MACROD2: variants seen among roughly 807,000 people sequenced by gnomAD.
The protein encoded by MACROD2 is mono-ADP ribosylhydrolase 2.
Under a neutral mutation model 70.4 loss-of-function variants are expected in MACROD2, and 36 were observed. That is an observed-to-expected ratio of 0.51 (90% confidence interval 0.39 to 0.68). The LOEUF is 0.68. Among genes scored for constraint, MACROD2 ranks in the 30% least tolerant of loss-of-function variants. MACROD2 has a pLI of 0.00. For synonymous variants in MACROD2, 172 were observed against 178.8 expected (o/e 0.96, Z 0.30); for missense variants, 496 against 538.4 (o/e 0.92, Z 0.78).
chr20:15,461,006 A>ATATTT, intron 7 of MACROD2, among the ~76,000 whole-genome samples: 47 of 67,010 alleles, frequency 7.0e-4, no homozygotes, highest in South Asian at 2.0e-3. Flanking sequence ...ATATATATAT[A>ATATTT]TTTTTTTTTA....
intron 8 of MACROD2, among the ~76,000 whole-genome samples, chr20:15,502,970 A>G (rs887368790): frequency 3.3e-5 from 5 of 152,206 alleles, no homozygotes; most frequent in African/African-American, 1.2e-4. Context: ...CTACAAAGGA[A>G]TGATGTATAT....
chr20:15,847,828 T>C (rs75600621), intron 8 of MACROD2, among the ~76,000 whole-genome samples: 1 of 152,318 alleles, frequency 6.6e-6, no homozygotes, highest in Middle Eastern at 3.4e-3. Flanking sequence ...TCTTTCTTTT[T>C]ATGTTTTTGT....
At chr20:14,805,105 G>A (rs937503267) in intron 5 of MACROD2, among the ~76,000 whole-genome samples, 4 of 151,948 alleles carry the variant, frequency 2.6e-5, no homozygotes, top group African/African-American at 9.7e-5. Flanking sequence ...AGGGGAGAGA[G>A]TTCATTGCTT....
chr20:14,760,950 C>T (rs187720190), intron 5 of MACROD2, among the ~76,000 whole-genome samples: 4 of 152,190 alleles, frequency 2.6e-5, no homozygotes, highest in Admixed American at 2.6e-4. Flanking sequence ...TTTCTCTGTT[C>T]TTGTTCTCTT....
chr20:14,196,054 T>G (rs2148743444), intron 3 of MACROD2, among the ~76,000 whole-genome samples: 1 of 152,218 alleles, frequency 6.6e-6, no homozygotes, highest in Admixed American at 6.5e-5. Context: ...TAGACACTGC[T>G]GGGGGTCGGA....
At chr20:15,746,972 A>G (rs1185082451) in intron 8 of MACROD2, among the ~76,000 whole-genome samples, 4 of 152,202 alleles carry the variant, frequency 2.6e-5, no homozygotes, top group African/African-American at 9.6e-5. Context: ...GAATGGCACC[A>G]TCCATGGTCA....
chr20:15,158,095 A>G (rs1235521193), intron 5 of MACROD2, among the ~76,000 whole-genome samples: 1 of 152,110 alleles, frequency 6.6e-6, no homozygotes, highest in Non-Finnish European at 1.5e-5. Context: ...GAGGTGTTTT[A>G]TCACTTTATT....
intron 5 of MACROD2, among the ~76,000 whole-genome samples, chr20:15,005,224 T>C (rs760635014): frequency 6.7e-4 from 102 of 152,290 alleles, no homozygotes; most frequent in Non-Finnish European, 1.1e-3. Flanking sequence ...ATTGACAGAA[T>C]AGAAGAGACT....
chr20:15,310,463 C>T (rs2077740153), intron 6 of MACROD2, among the ~76,000 whole-genome samples: 1 of 152,010 alleles, frequency 6.6e-6, no homozygotes, highest in Non-Finnish European at 1.5e-5. Flanking sequence ...TGAGAGCTGC[C>T]AATCATGGCT....
chr20:15,480,563 T>TCCCTGTCCTG lies in MACROD2; in HGVS notation c.572-19204_572-19195dup, dbSNP rs561614280. ...GCCCCCCTTCTCCACTGCCTTCTCT[T>TCCCTGTCCTG]CCCTGTCCTGCCCTGTGGATGGCTG... On this transcript the variant is annotated intron_variant, in intron 7 of 17. Coordinates refer to ENST00000684519, the MANE Select transcript of MACROD2 (RefSeq NM_001351661.2). Among the ~76,000 whole-genome samples, 886 of 152,258 alleles carry TCCCTGTCCTG rather than the reference T, an allele frequency of 5.8e-3. 10 individuals are homozygous for TCCCTGTCCTG. Among genetic ancestry groups the TCCCTGTCCTG allele is most frequent in the African/African-American group, 0.02 (846 of 41,522 alleles).
intron 5 of MACROD2, among the ~76,000 whole-genome samples, chr20:14,990,702 C>T (rs1022957091): frequency 6.6e-5 from 10 of 151,756 alleles, no homozygotes; most frequent in South Asian, 6.2e-4. Context: ...TTAGTAGAGG[C>T]GGGGTTTCAC....
chr20:15,227,132 A>T (rs1370295038), intron 5 of MACROD2, among the ~76,000 whole-genome samples: 2 of 152,186 alleles, frequency 1.3e-5, no homozygotes, highest in African/African-American at 2.4e-5. Context: ...AAATACAAAG[A>T]TCAATATTTT....
intron 8 of MACROD2, among the ~76,000 whole-genome samples, chr20:15,662,272 C>T (rs2049832561): frequency 6.6e-6 from 1 of 152,204 alleles, no homozygotes; most frequent in South Asian, 2.1e-4. Context: ...TCTACTGTAT[C>T]AGTATCCCCG....
intron 5 of MACROD2, among the ~76,000 whole-genome samples, chr20:14,828,944 T>C (rs1393948299): frequency 6.7e-6 from 1 of 149,538 alleles, no homozygotes; most frequent in East Asian, 2.0e-4. Context: ...GGTCCAGAAC[T>C]ATTTTTTCCT....
chr20:15,193,129 A>AT (rs2076582751), intron 5 of MACROD2, among the ~76,000 whole-genome samples: 1 of 152,122 alleles, frequency 6.6e-6, no homozygotes, highest in Non-Finnish European at 1.5e-5. Context: ...GTTACCTCCC[A>AT]TCTTCTTTCT....
chr20:14,188,905 G>T (rs1373140688), intron 3 of MACROD2, among the ~76,000 whole-genome samples: 1 of 152,040 alleles, frequency 6.6e-6, no homozygotes, highest in African/African-American at 2.4e-5. Context: ...TATTTATGTG[G>T]CATTTGTAAT....
chr20:14,312,461 G>T (rs989823102), intron 3 of MACROD2, among the ~76,000 whole-genome samples: 5 of 152,166 alleles, frequency 3.3e-5, no homozygotes, highest in Non-Finnish European at 5.9e-5. Context: ...GACTTCAGTT[G>T]AGGTAATATA....
intron 4 of MACROD2, among the ~76,000 whole-genome samples, chr20:14,656,136 C>T (rs1251407381): frequency 6.6e-6 from 1 of 152,198 alleles, no homozygotes; most frequent in Non-Finnish European, 1.5e-5. Context: ...ATCCATTTCT[C>T]TTTTCTACCA....
At chr20:15,313,288 C>G (rs528725008) in intron 6 of MACROD2, among the ~76,000 whole-genome samples, 2 of 151,924 alleles carry the variant, frequency 1.3e-5, no homozygotes, top group East Asian at 1.9e-4. Flanking sequence ...GGGTGGATCA[C>G]GAGGTCAGGA....
Sources: gnomAD v4.1 joint callset for allele counts (sites outside exome capture counted in the v4.1 genomes callset) on GRCh38, gnomAD v4.1.1 for gene constraint, MANE v1.5 for transcripts, NCBI Gene and HGNC (gene_info 2026-07-23, HGNC 2026-07-21) for gene names.